Variants in IQCM observed in about 807,000 individuals in gnomAD.
IQCM encodes IQ motif containing M.
Under a neutral mutation model 57.6 loss-of-function variants are expected in IQCM, and 45 were observed. That is an observed-to-expected ratio of 0.78 (90% confidence interval 0.62 to 1.00). IQCM has a LOEUF of 1.00. Ranked by LOEUF, IQCM falls within the 50% of genes least tolerant of loss-of-function variation. The pLI is 0.00. For synonymous variants in IQCM, 148 were observed against 158.9 expected (o/e 0.93, Z 0.51); for missense variants, 468 against 511.6 (o/e 0.91, Z 0.82).
rs1015811336 is a variant in IQCM, at chr4:149,625,384, A to G, written c.566-4140T>C. Among the ~76,000 whole-genome samples the G allele has an allele frequency of 2.0e-5, 3 of 152,334 alleles. No individual in the cohort carries two copies. In the East Asian group the frequency reaches 5.8e-4, roughly 29 times the overall value. On this transcript the variant is annotated intron_variant, in intron 7 of 13. Coordinates refer to ENST00000636793, the MANE Select transcript of IQCM (RefSeq NM_001363507.2). ...AAAAAGTAATATATTTCCCTCACCC[A>G]TTGGAAGTGTTCATGGAGGAGACAT... is the stretch of plus-strand genomic sequence containing the variant.
intron 12 of IQCM, among the ~76,000 whole-genome samples, chr4:149,452,453 A>C (rs1737222838): frequency 6.6e-6 from 1 of 151,616 alleles, no homozygotes; most frequent in Admixed American, 6.6e-5. Context: ...GAGCTGCAGT[A>C]ATCAAGACAA....
chr4:149,461,188 G>A lies in IQCM; in HGVS notation c.1229-27631C>T, dbSNP rs530862386. Among the ~76,000 whole-genome samples, 18 of 145,452 alleles carry A rather than the reference G, an allele frequency of 1.2e-4. No homozygotes were observed. In the East Asian group the frequency reaches 2.3e-3, roughly 18 times the overall value. On this transcript the variant is annotated intron_variant, in intron 12 of 13. Coordinates refer to ENST00000636793, the MANE Select transcript of IQCM (RefSeq NM_001363507.2). ...GCAGACGTTGCAGTGAGCCAAGATC[G>A]TGCCATTGCACTCCAGCCCGGGCAA...
At chr4:149,656,925 T>G (rs1319937489) in intron 7 of IQCM, among the ~76,000 whole-genome samples, 1 of 152,216 alleles carries the variant, frequency 6.6e-6, no homozygotes, top group Non-Finnish European at 1.5e-5. Flanking sequence ...ATAAACTAAG[T>G]TGTTAATCAT....
chr4:149,653,019 AG>A lies in IQCM; in HGVS notation c.565+29098del, dbSNP rs375957474. Among the ~76,000 whole-genome samples the A allele has an allele frequency of 3.7e-3, 559 of 152,318 alleles. 2 individuals carry two copies. The highest frequency in any genetic ancestry group is 0.013 in the African/African-American group (520 of 41,578). On this transcript the variant is annotated intron_variant, in intron 7 of 13. Coordinates refer to ENST00000636793, the MANE Select transcript of IQCM (RefSeq NM_001363507.2). ...ATAAAAAGCAAAGCTGCAGACTAGA[AG>A]GCAGTGAAAAATGTTGACAAAATAT... is the stretch of plus-strand genomic sequence containing the variant.
chr4:149,634,627 C>T (rs1279530176), intron 7 of IQCM, among the ~76,000 whole-genome samples: 1 of 152,174 alleles, frequency 6.6e-6, no homozygotes, highest in Non-Finnish European at 1.5e-5. Context: ...TTTCATTCTG[C>T]AAACTTATAA....
chr4:149,495,222 T>A (rs72955454), intron 12 of IQCM, among the ~76,000 whole-genome samples: 3,018 of 152,230 alleles, frequency 0.02, 60 homozygotes, highest in African/African-American at 0.058. Flanking sequence ...ATGGCATGGA[T>A]ATTGTCATTG....
rs74931543 is a variant in IQCM at position 149,740,033 on chromosome 4, A to G, written c.37+2622T>C. Among the ~76,000 whole-genome samples, 680 of 152,276 alleles carry G rather than the reference A, an allele frequency of 4.5e-3. 6 individuals are homozygous for G. Among genetic ancestry groups the G allele is most frequent in the African/African-American group, 0.016 (657 of 41,566 alleles). ...TCTTAATTAGAATTGTTGAGTAAGT[A>G]TTTTCTGTATCCGAAAAGACCCAGG... On this transcript the variant is annotated intron_variant, in intron 3 of 13. Coordinates refer to ENST00000636793, the MANE Select transcript of IQCM (RefSeq NM_001363507.2).
At chr4:149,466,014 C>A (rs1738822438) in intron 12 of IQCM, among the ~76,000 whole-genome samples, 3 of 152,060 alleles carry the variant, frequency 2.0e-5, no homozygotes, top group Admixed American at 1.3e-4. Context: ...ACCAAATTTT[C>A]AAAAAGCACA....
chr4:149,491,956 G>C (rs1253371199), intron 12 of IQCM, among the ~76,000 whole-genome samples: 1 of 151,702 alleles, frequency 6.6e-6, no homozygotes, highest in Non-Finnish European at 1.5e-5. Context: ...ATCTTAATAG[G>C]TGTAAGCTGA....
chr4:149,731,682 G>T (rs891571894), intron 5 of IQCM, among the ~76,000 whole-genome samples: 2 of 151,938 alleles, frequency 1.3e-5, no homozygotes, highest in African/African-American at 4.8e-5. Context: ...GTATTAAAAA[G>T]AACACTAGTC....
intron 5 of IQCM, among the ~76,000 whole-genome samples, chr4:149,702,219 C>T (rs1039779639): frequency 6.6e-6 from 1 of 151,538 alleles, no homozygotes; most frequent in African/African-American, 2.4e-5. Flanking sequence ...ACACATGTCA[C>T]CATCAATTTT....
At chr4:149,700,706 G>C (rs1041057862) in intron 5 of IQCM, among the ~76,000 whole-genome samples, 3 of 151,930 alleles carry the variant, frequency 2.0e-5, no homozygotes. Flanking sequence ...GCTTGCCTTG[G>C]GAAAGTCACT....
intron 2 of IQCM, among the ~76,000 whole-genome samples, chr4:149,801,659 G>A (rs1197372310): frequency 1.3e-5 from 2 of 151,850 alleles, no homozygotes; most frequent in Non-Finnish European, 2.9e-5. Context: ...AACATCACAT[G>A]TTTTCACTTA....
At chr4:149,694,846 A>G (rs1763223595) in intron 5 of IQCM, among the ~76,000 whole-genome samples, 1 of 152,182 alleles carries the variant, frequency 6.6e-6, no homozygotes, top group African/African-American at 2.4e-5. Flanking sequence ...GGCTGGTAAA[A>G]TCGTTTTCAT....
intron 10 of IQCM, among the ~76,000 whole-genome samples, chr4:149,554,419 C>A (rs148260189): frequency 6.6e-6 from 1 of 151,878 alleles, no homozygotes; most frequent in East Asian, 1.9e-4. Context: ...TGAGTTCAAG[C>A]GATTCTCATG....
chr4:149,775,928 A>G (rs576344546), intron 2 of IQCM, among the ~76,000 whole-genome samples: 13 of 152,344 alleles, frequency 8.5e-5, no homozygotes, highest in Admixed American at 6.5e-4. Flanking sequence ...TCTACCCAGG[A>G]TGACATGTAT....
chr4:149,565,852 T>A (rs567826440), intron 9 of IQCM, among the ~76,000 whole-genome samples: 1 of 152,300 alleles, frequency 6.6e-6, no homozygotes, highest in South Asian at 2.1e-4. Flanking sequence ...TTGTACAATA[T>A]TCTTATAACT....
chr4:149,629,212 T>C (rs1757052543), intron 7 of IQCM, among the ~76,000 whole-genome samples: 1 of 152,180 alleles, frequency 6.6e-6, no homozygotes, highest in African/African-American at 2.4e-5. Flanking sequence ...CTGCATATTC[T>C]ACTTTCTTAG....
At chr4:149,632,032 A>C (rs1757309657) in intron 7 of IQCM, among the ~76,000 whole-genome samples, 1 of 152,228 alleles carries the variant, frequency 6.6e-6, no homozygotes, top group Admixed American at 6.5e-5. Context: ...ACAGTTTAAA[A>C]CCTAGGTGAA....
Sources: allele counts gnomAD v4.1 joint callset (sites outside exome capture counted in the v4.1 genomes callset), GRCh38; gene constraint gnomAD v4.1.1; transcripts MANE v1.5; gene names NCBI Gene and HGNC (gene_info 2026-07-23, HGNC 2026-07-21).